Variants in TBCK observed in about 807,000 individuals in gnomAD.
TBCK encodes the protein TBC1 domain containing kinase.
A neutral mutation model predicts 113.4 loss-of-function variants in TBCK; 99 were observed. That is an observed-to-expected ratio of 0.87 (90% CI 0.74 to 1.03). The LOEUF (loss-of-function observed/expected upper bound fraction) is 1.03. Among genes scored for constraint, TBCK ranks in the 50% least tolerant of loss-of-function variants. The pLI is 0.00. For missense variants in TBCK, 1,045 were observed against 1,061.3 expected, an observed-to-expected ratio of 0.98 and a Z score of 0.21; for synonymous variants, 369 against 370.8, an observed-to-expected ratio of 1.00 and a Z score of 0.05.
chr4:106,046,740 G>T, intron 25 of TBCK, 60 bp from the exon 26 acceptor site: 1 of 782,120 alleles, frequency 1.3e-6, no homozygotes, highest in Admixed American at 2.5e-5. Flanking sequence ...CCAACCTCAT[G>T]TTTTTTCTCA....
At chr4:106,264,536 TG>T (rs1471816516) in intron 3 of TBCK, among the ~76,000 whole-genome samples, 2 of 151,980 alleles carry the variant, frequency 1.3e-5, no homozygotes, top group Non-Finnish European at 2.9e-5. Flanking sequence ...TTAAGACCTT[TG>T]GGCTTTTACT....
intron 1 of TBCK, among the ~76,000 whole-genome samples, chr4:106,314,616 ATTTTTTTT>A (rs869091052): frequency 2.9e-5 from 3 of 102,056 alleles, no homozygotes; most frequent in East Asian, 3.1e-4. Flanking sequence ...ATACTACTTG[ATTTTTTTT>A]TTTTTTTTTT....
intron 20 of TBCK, among the ~76,000 whole-genome samples, chr4:106,195,648 C>T (rs1464774083): frequency 6.6e-6 from 1 of 151,860 alleles, no homozygotes; most frequent in Admixed American, 6.6e-5. Flanking sequence ...AGGAATGTGC[C>T]TCTTCTTTTC....
At position 106,081,539 on chromosome 4, in the gene TBCK, G is replaced by T. The variant is rs557966187; in HGVS notation, c.2571+13943C>A. Among the ~76,000 whole-genome samples the T allele has an allele frequency of 6.6e-5, 10 of 152,246 alleles. No homozygotes were observed. In the East Asian group the frequency reaches 1.9e-3, roughly 29 times the overall value. The stretch of plus-strand genomic sequence containing the variant: ...TGTTGGGGGAGCTGGGGGAGGGAGA[G>T]CATCAGGAAGAATAGCTAATGGATG... On this transcript the variant is annotated intron_variant, in intron 25 of 25. Coordinates refer to ENST00000394708, the MANE Select transcript of TBCK (RefSeq NM_001163435.3).
At chr4:106,189,747 G>GA (rs1753454611) in intron 22 of TBCK, among the ~76,000 whole-genome samples, 1 of 151,960 alleles carries the variant, frequency 6.6e-6, no homozygotes, top group African/African-American at 2.4e-5. Flanking sequence ...CAAAAATACT[G>GA]AAAAAATATC....
chr4:106,046,727 T>C (rs369154995), intron 25 of TBCK, 47 bp from the exon 26 acceptor site: 3 of 885,032 alleles, frequency 3.4e-6, no homozygotes, highest in African/African-American at 3.4e-5. Flanking sequence ...ACAGAAGACA[T>C]CTCCAACCTC....
intron 22 of TBCK, among the ~76,000 whole-genome samples, chr4:106,188,638 T>C (rs1753308308): frequency 6.6e-6 from 1 of 152,208 alleles, no homozygotes; most frequent in South Asian, 2.1e-4. Flanking sequence ...TTCTTGACAA[T>C]TTGGGACCAG....
intron 19 of TBCK, among the ~76,000 whole-genome samples, chr4:106,217,018 C>T (rs1416025129): frequency 3.9e-5 from 6 of 152,128 alleles, no homozygotes; most frequent in Non-Finnish European, 8.8e-5. Context: ...GCTTATCCAC[C>T]ATGATCAAGT....
rs1005087370 is a variant in TBCK, at chr4:106,042,192, A to T, written c.*4378T>A. 3 of 152,200 alleles carry T rather than the reference A, an allele frequency of 2.0e-5. No individual in the cohort carries two copies. Among genetic ancestry groups the T allele is most frequent in the African/African-American group, 7.2e-5 (3 of 41,434 alleles). The allele number at this position is 152,200 out of a possible 1,614,324, so 9.4% of individuals were successfully genotyped here. ...GATTTAATCAACATTTATCAAGAAAAATGCATTATTTGGTTAATAACAGCT... is the reference window on the plus strand; with the variant it reads ...GATTTAATCAACATTTATCAAGAAATATGCATTATTTGGTTAATAACAGCT... On this transcript the variant is annotated 3_prime_UTR_variant, in exon 26 of 26. Transcript: ENST00000394708.
chr4:106,116,221 T>C lies in TBCK; in HGVS notation c.2393A>G (p.Asp798Gly). 2 of 1,614,100 alleles carry C rather than the reference T, an allele frequency of 1.2e-6. No homozygotes were observed. The highest frequency in any genetic ancestry group is 1.7e-5 in the Admixed American group (1 of 60,018). ...AGGATACTCTTCACTATTCCGGATG[T>C]CAACCACCAGGAGCTTTGGTTTACT... ...KSSKPKLLVV[D>G]IRNSEDFIRG... Residue 798 changes from aspartate (D) to glycine (G), a missense_variant, in exon 24 of 26, where the codon GAC becomes GGC. Asp to Gly is a moderately conservative substitution (Grantham distance 94). Coordinates refer to ENST00000394708, the MANE Select transcript of TBCK (RefSeq NM_001163435.3).
At chr4:106,187,616 A>G (rs1328476130) in intron 22 of TBCK, among the ~76,000 whole-genome samples, 1 of 152,092 alleles carries the variant, frequency 6.6e-6, no homozygotes, top group Non-Finnish European at 1.5e-5. Flanking sequence ...GGGTTTCAAC[A>G]TATTGATCAG....
At chr4:106,060,488 C>T (rs75853787) in intron 25 of TBCK, among the ~76,000 whole-genome samples, 9,507 of 151,792 alleles carry the variant, frequency 0.063, 347 homozygotes, top group Non-Finnish European at 0.08. Context: ...AGCATGGTTA[C>T]TGAATATTTT....
intron 9 of TBCK, 87 bp downstream of exon 9, chr4:106,248,158 T>G: frequency 1.2e-6 from 1 of 808,886 alleles, no homozygotes; most frequent in East Asian, 2.8e-5. Context: ...TACATTATCT[T>G]TAATCCATTA....
upstream of TBCK, chr4:106,316,527 T>C (rs1486756813): frequency 1.3e-6 from 2 of 1,551,574 alleles, no homozygotes; most frequent in East Asian, 4.9e-5. Context: ...ACTGCTATAG[T>C]ACGCGGGTGG....
chr4:106,095,370 C>A, intron 25 of TBCK, 112 bp downstream of exon 25: 1 of 956,046 alleles, frequency 1.0e-6, no homozygotes. Context: ...ATCTTCAAAG[C>A]TCATAGTATT....
chr4:106,247,885 AAGTTC>A (rs1185358983), intron 9 of TBCK: 1 of 165,074 alleles, frequency 6.1e-6, no homozygotes, highest in Non-Finnish European at 1.3e-5. Context: ...CCACTGATCC[AAGTTC>A]ATTGCTATAA....
At chr4:106,140,097 GTTAAA>G (rs1747009561) in intron 23 of TBCK, among the ~76,000 whole-genome samples, 1 of 140,538 alleles carries the variant, frequency 7.1e-6, no homozygotes, top group Admixed American at 7.0e-5. Context: ...TTTTACAGTT[GTTAAA>G]TTAAAAAAGG....
intron 24 of TBCK, among the ~76,000 whole-genome samples, chr4:106,107,755 G>A (rs1188509613): frequency 6.6e-6 from 1 of 152,086 alleles, no homozygotes; most frequent in Non-Finnish European, 1.5e-5. Flanking sequence ...CAACCTCAAA[G>A]CTAATAGAAC....
intron 24 of TBCK, among the ~76,000 whole-genome samples, chr4:106,097,506 C>A (rs901645712): frequency 1.3e-5 from 2 of 151,834 alleles, no homozygotes; most frequent in Non-Finnish European, 2.9e-5. Flanking sequence ...GTATTACTGG[C>A]AAAAAACAGA....
Sources: allele counts gnomAD v4.1 joint callset (sites outside exome capture counted in the v4.1 genomes callset), GRCh38; gene constraint gnomAD v4.1.1; transcripts MANE v1.5; gene names NCBI Gene and HGNC (gene_info 2026-07-23, HGNC 2026-07-21).